The following SMARCA4 variants were observed in gnomAD, a reference collection of about 807,000 sequenced individuals.
The protein encoded by SMARCA4 is SWI/SNF related BAF chromatin remodeling complex subunit ATPase 4.
SMARCA4 carries 31 observed loss-of-function variants against 193.9 expected under a neutral mutation model. The observed-to-expected ratio is 0.16, with a 90% confidence interval of 0.12 to 0.22. The LOEUF is 0.22. Among genes scored for constraint, SMARCA4 ranks in the 10% least tolerant of loss-of-function variants. The pLI is 1.00. For missense variants in SMARCA4, 1,148 were observed against 2,296.0 expected (o/e 0.50, Z 10.22); for synonymous variants, 942 against 933.1 (o/e 1.01, Z -0.17).
intron 13 of SMARCA4, among the ~76,000 whole-genome samples, chr19:11,005,759 G>GA (rs2088142358): frequency 6.6e-6 from 1 of 152,338 alleles, no homozygotes; most frequent in East Asian, 1.9e-4. Context: ...CAGAAGAAGT[G>GA]AAAGTGGCCC....
Position 10,984,246 on chromosome 19 carries a change from C to T in SMARCA4, c.95C>T (p.Pro32Leu), listed in dbSNP as rs910095001. The change falls in exon 2 of 35, where the codon CCG becomes CTG. Residue 32 changes from proline (P) to leucine (L), a missense_variant. Pro to Leu is a moderately conservative substitution (Grantham distance 98, BLOSUM62 -3). This residue lies in a region of SMARCA4 where 201 missense variants were observed against 248.3 expected (regional missense o/e 0.81). Coordinates refer to ENST00000344626, the MANE Select transcript of SMARCA4 (RefSeq NM_003072.5). This position sits in a 1 kb window ranked among gnomAD's most constrained non-coding sequence, Gnocchi z 4.3. ...PSPGAMLGPS[P>L]GPSPGSAHSM... ...CCTGGAGCCATGCTGGGCCCTAGCC[C>T]GGGTCCCTCGCCGGGCTCCGCCCAC... 28 of 1,612,438 alleles carry T rather than the reference C, an allele frequency of 1.7e-5. No homozygotes were observed. Among genetic ancestry groups the T allele is most frequent in the Admixed American group, 1.2e-4 (7 of 59,936 alleles).
In SMARCA4 at chr19:10,986,611, G is replaced by T. The variant is rs1236404856; in HGVS notation, c.760+18G>T. On this transcript the variant is annotated intron_variant, in intron 4 of 34. Coordinates refer to ENST00000344626, the MANE Select transcript of SMARCA4 (RefSeq NM_003072.5). The surrounding 1 kb of genome is among the most constrained non-coding windows in gnomAD (Gnocchi z 6.7). ...GCCTCATGGTAAGACTGGCTGCCCTGGCCCTCAGGTGTCTCAGAGCGAATG... is the reference window on the plus strand; with the variant it reads ...GCCTCATGGTAAGACTGGCTGCCCTTGCCCTCAGGTGTCTCAGAGCGAATG... 6.5e-7 allele frequency: 1 copy of T among 1,535,458 alleles called. No homozygotes were observed. The highest frequency in any genetic ancestry group is 1.4e-5 in the African/African-American group (1 of 73,022).
chr19:11,008,014 A>C lies in SMARCA4; in HGVS notation c.2114A>C (p.His705Pro), dbSNP rs2146193966. The change falls in exon 14 of 35, where the codon CAC (histidine) becomes CCC (proline). Residue 705 changes from histidine to proline, a missense_variant. Transcript: ENST00000344626. ...SDDVSEVDAR[H>P]IIENAKQDVD... ...GACGTCTCTGAGGTGGACGCGCGGC[A>C]CATCATTGAGTAAGGGGTCCCGACA... The C allele has an allele frequency of 6.2e-7, 1 of 1,613,194 alleles. No homozygotes were observed. Among genetic ancestry groups the C allele is most frequent in the Non-Finnish European group, 8.5e-7 (1 of 1,179,474 alleles).
In SMARCA4 at chr19:11,003,178, T is replaced by A. The variant is rs373429976; in HGVS notation, c.1943+19T>A. 2 of 1,613,700 alleles carry A rather than the reference T, an allele frequency of 1.2e-6. No homozygotes were observed. Among genetic ancestry groups the A allele is most frequent in the Admixed American group, 1.7e-5 (1 of 59,960 alleles). ...ACCCGGGGTGAGTTGGGCCTTGCATTCCAGATGCAGTGGGGATCCAAGTCC... is the reference window on the plus strand; with the variant it reads ...ACCCGGGGTGAGTTGGGCCTTGCATACCAGATGCAGTGGGGATCCAAGTCC... On this transcript the variant is annotated intron_variant, in intron 12 of 34. Transcript: ENST00000344626.
Position 11,033,572 on chromosome 19 carries a change from C to T in SMARCA4, c.3774+55C>T, listed in dbSNP as rs1027198447. The stretch of plus-strand genomic sequence containing the variant: ...CCAGCGTGAATGGTGGACGCGTGAG[C>T]GGCTTTCATTTTTGTTTTTTTACCT... On this transcript the variant is annotated intron_variant, in intron 26 of 34. Coordinates refer to ENST00000344626, the MANE Select transcript of SMARCA4 (RefSeq NM_003072.5). The surrounding 1 kb of genome is among the most constrained non-coding windows in gnomAD (Gnocchi z 9.8). 1.3e-5 allele frequency: 19 copies of T among 1,411,658 alleles called. No homozygotes were observed. Among genetic ancestry groups the T allele is most frequent in the African/African-American group, 1.1e-4 (8 of 70,960 alleles). The allele number at this position is 1,411,658 out of a possible 1,614,324, so 87.4% of individuals were successfully genotyped here.
chr19:11,016,489 TCC>T (rs2089375593), intron 16 of SMARCA4, among the ~76,000 whole-genome samples: 1 of 152,246 alleles, frequency 6.6e-6, no homozygotes, highest in Non-Finnish European at 1.5e-5. Context: ...TAATTGGAAT[TCC>T]ACCGTTAGGA....
chr19:10,987,115 C>T lies in SMARCA4; in HGVS notation c.859+112C>T. On this transcript the variant is annotated intron_variant, in intron 5 of 34. Coordinates refer to ENST00000344626, the MANE Select transcript of SMARCA4 (RefSeq NM_003072.5). The surrounding 1 kb of genome is among the most constrained non-coding windows in gnomAD (Gnocchi z 5.3). ...AAGGGCCGAGGGTGGTCAGGCTGAA[C>T]TGCAGCCTGTACTTTTCTTGTGGTG... 1 of 772,164 alleles carries T rather than the reference C, an allele frequency of 1.3e-6. No individual in the cohort carries two copies. Among genetic ancestry groups the T allele is most frequent in the East Asian group, 2.7e-5 (1 of 37,638 alleles). 47.8% of individuals were successfully genotyped at this position (772,164 alleles called of 1,614,324 possible).
intron 19 of SMARCA4, among the ~76,000 whole-genome samples, chr19:11,022,300 G>A (rs968893440): frequency 2.0e-5 from 3 of 152,246 alleles, no homozygotes; most frequent in Admixed American, 2.0e-4. Flanking sequence ...AGGCTGTAGC[G>A]TGCTGTAGGC....
At position 11,059,842 on chromosome 19, in the gene SMARCA4, T is replaced by A. The variant is rs1555795982; in HGVS notation, c.4725T>A (p.Ser1575Arg). 1.2e-6 allele frequency: 2 copies of A among 1,612,104 alleles called. No homozygotes were observed. Among genetic ancestry groups the A allele is most frequent in the Non-Finnish European group, 1.7e-6 (2 of 1,179,312 alleles). Residue 1575 changes from serine to arginine, a missense_variant, in exon 33 of 35, where the codon AGT becomes AGA. Ser to Arg is a moderately radical substitution (Grantham distance 110). Transcript: ENST00000344626. ...AGGATGACAGTGAAGGCGAGGAGAG[T>A]GAGGAGGAGGAAGAGGGCGAGGAGG... ...EKEDDSEGEE[S>R]EEEEEGEEEG...
At position 11,034,272 on chromosome 19, in the gene SMARCA4, C is replaced by A. The variant is rs2075127603; in HGVS notation, c.3951+72C>A. On this transcript the variant is annotated intron_variant, in intron 28 of 34. Coordinates refer to ENST00000344626, the MANE Select transcript of SMARCA4 (RefSeq NM_003072.5). This position sits in a 1 kb window ranked among gnomAD's most constrained non-coding sequence, Gnocchi z 7.0. ...TGCCACCAGGAGCAAAGCAGACGTC[C>A]TAGTGCCCATGGTGGTATCCCTAGC... The A allele has an allele frequency of 8.4e-7, 1 of 1,194,932 alleles. No individual in the cohort carries two copies. The highest frequency in any genetic ancestry group is 1.2e-6 in the Non-Finnish European group (1 of 800,200). The allele number at this position is 1,194,932 out of a possible 1,614,324, so 74.0% of individuals were successfully genotyped here.
Position 11,034,904 on chromosome 19 carries a change from T to G in SMARCA4, c.3952-10T>G. 1 of 1,551,592 alleles carries G rather than the reference T, an allele frequency of 6.4e-7. No individual in the cohort carries two copies. Among genetic ancestry groups the G allele is most frequent in the Non-Finnish European group, 8.7e-7 (1 of 1,147,930 alleles). ...GCTGATGCCTCTCCCGTTGCCTCCC[T>G]GCCCACCAGCGCATGGACCTGGACC... On this transcript the variant is annotated splice_polypyrimidine_tract_variant and intron_variant, in intron 28 of 34. Coordinates refer to ENST00000344626, the MANE Select transcript of SMARCA4 (RefSeq NM_003072.5). This position sits in a 1 kb window ranked among gnomAD's most constrained non-coding sequence, Gnocchi z 7.0.
intron 30 of SMARCA4, among the ~76,000 whole-genome samples, chr19:11,045,488 A>G (rs1379962707): frequency 3.3e-5 from 5 of 152,226 alleles, no homozygotes; most frequent in Non-Finnish European, 7.3e-5. Context: ...CTGGATGTGT[A>G]TATGATGTGT....
rs1241198715 is a variant in SMARCA4 at position 11,030,612 on chromosome 19, T to C, written c.3383-118T>C. ...CGTGTGGAGAGTGCGGAGCCAGGGA[T>C]CTGGGGATGCTGGCAGGTGCTGATC... On this transcript the variant is annotated intron_variant, in intron 24 of 34. Coordinates refer to ENST00000344626, the MANE Select transcript of SMARCA4 (RefSeq NM_003072.5). This position sits in a 1 kb window ranked among gnomAD's most constrained non-coding sequence, Gnocchi z 5.5. The C allele has an allele frequency of 3.3e-6, 3 of 906,622 alleles. No homozygotes were observed. Among genetic ancestry groups the C allele is most frequent in the Non-Finnish European group, 5.2e-6 (3 of 573,502 alleles). 56.2% of individuals were successfully genotyped at this position (906,622 alleles called of 1,614,324 possible).
intron 30 of SMARCA4, among the ~76,000 whole-genome samples, chr19:11,050,660 T>C (rs974166701): frequency 6.6e-6 from 1 of 152,228 alleles, no homozygotes; most frequent in Non-Finnish European, 1.5e-5. Context: ...AGTTGAGTGG[T>C]TATACCTTGT....
intron 29 of SMARCA4, chr19:11,039,471 A>G: frequency 6.3e-7 from 1 of 1,597,902 alleles, no homozygotes; most frequent in Non-Finnish European, 8.5e-7. Flanking sequence ...ATTACAGGAA[A>G]AGATATCCAT....
intron 9 of SMARCA4, chr19:10,995,803 G>A: frequency 2.8e-6 from 1 of 361,108 alleles, no homozygotes; most frequent in South Asian, 2.1e-5. Flanking sequence ...ATGAAGGGGA[G>A]CCTCACCCGG....
At chr19:11,006,633 T>C (rs1381162488) in intron 13 of SMARCA4, among the ~76,000 whole-genome samples, 1 of 151,846 alleles carries the variant, frequency 6.6e-6, no homozygotes, top group Non-Finnish European at 1.5e-5. Flanking sequence ...CTCTAAGATA[T>C]TTAATACCTA....
rs1555763625 is a variant in SMARCA4 at position 10,996,263 on chromosome 19, G to A, written c.1644G>A (p.Lys548=). The A allele has an allele frequency of 1.2e-6, 2 of 1,614,252 alleles. No individual in the cohort carries two copies. Among genetic ancestry groups the A allele is most frequent in the Non-Finnish European group, 1.7e-6 (2 of 1,180,038 alleles). ...AGCTCATCGACCAGAAGAAGGACAAGCGCCTGGCCTACCTCTTGCAGCAGA... is the reference window on the plus strand; with the variant it reads ...AGCTCATCGACCAGAAGAAGGACAAACGCCTGGCCTACCTCTTGCAGCAGA... The part of the protein sequence containing the change: ...YRKLIDQKKD[K]RLAYLLQQTD... Residue 548 remains lysine, a synonymous_variant, in exon 10 of 35, where the codon AAG becomes AAA. Transcript: ENST00000344626.
intron 30 of SMARCA4, among the ~76,000 whole-genome samples, chr19:11,051,048 CA>C (rs1391599521): frequency 1.3e-5 from 2 of 152,246 alleles, no homozygotes; most frequent in African/African-American, 4.8e-5. Flanking sequence ...GCAGAGGGCT[CA>C]GGGGGCCTAA....
Sources: gnomAD v4.1 joint callset for allele counts (sites outside exome capture counted in the v4.1 genomes callset) on GRCh38, gnomAD v4.1.1 for gene constraint, gnomAD v4.1.1 regional missense constraint, Gnocchi (gnomAD v3.1) non-coding constraint, MANE v1.5 for transcripts, NCBI Gene and HGNC (gene_info 2026-07-23, HGNC 2026-07-21) for gene names.